The following NDUFAF5 variants were observed in gnomAD, a reference collection of about 807,000 sequenced individuals.
NDUFAF5 encodes the protein arginine-hydroxylase NDUFAF5, mitochondrial.
Under a neutral mutation model 48.9 loss-of-function variants are expected in NDUFAF5, and 34 were observed. That is an observed-to-expected ratio of 0.70 (90% CI 0.53 to 0.93). NDUFAF5 has a LOEUF of 0.93. NDUFAF5 is among the 40% of genes least tolerant of loss of function. NDUFAF5 has a pLI of 0.00. For synonymous variants in NDUFAF5, 153 were observed against 150.6 expected (o/e 1.02, Z -0.12); for missense variants, 428 against 427.5 (o/e 1.00, Z -0.01).
chr20:13,797,961 A>G (rs537902924), intron 5 of NDUFAF5, among the ~76,000 whole-genome samples: 21 of 152,354 alleles, frequency 1.4e-4, no homozygotes, highest in African/African-American at 4.8e-4. Flanking sequence ...TGGAAAACTC[A>G]CAGATTCAAA....
chr20:13,788,925 C>G (rs954444257), intron 3 of NDUFAF5, among the ~76,000 whole-genome samples: 1 of 152,028 alleles, frequency 6.6e-6, no homozygotes, highest in Non-Finnish European at 1.5e-5. Context: ...TCTTTGTTCA[C>G]ATTTTTTTAT....
chr20:13,816,187 GCTTA>G (rs1188370750), intron 8 of NDUFAF5: 4 of 473,958 alleles, frequency 8.4e-6, no homozygotes, highest in African/African-American at 7.9e-5. Flanking sequence ...TGCCCAGCGG[GCTTA>G]CTTTAGACCA....
chr20:13,811,463 G>A (rs113034820), intron 8 of NDUFAF5, among the ~76,000 whole-genome samples: 7 of 151,948 alleles, frequency 4.6e-5, no homozygotes, highest in African/African-American at 1.7e-4. Context: ...CAGGATGGTG[G>A]CAGTACTGGA....
chr20:13,801,438 T>C (rs1361978813), intron 6 of NDUFAF5, 48 bp from the exon 7 acceptor site: 2 of 1,227,766 alleles, frequency 1.6e-6, no homozygotes, highest in Admixed American at 4.0e-5. Flanking sequence ...TTTTAACATT[T>C]ATATATATAA....
intron 3 of NDUFAF5, among the ~76,000 whole-genome samples, chr20:13,790,251 A>G (rs1982053888): frequency 1.3e-5 from 2 of 152,206 alleles, no homozygotes; most frequent in African/African-American, 4.8e-5. Context: ...AAATGATGGG[A>G]TGTATGAGAG....
intron 8 of NDUFAF5, among the ~76,000 whole-genome samples, chr20:13,810,386 C>T (rs771773758): frequency 3.9e-5 from 6 of 152,146 alleles, no homozygotes; most frequent in African/African-American, 1.2e-4. Context: ...AAAGGAAGTC[C>T]GCTAGATTTA....
rs1157937631 is a variant in NDUFAF5, at chr20:13,814,125, TG to T, written c.779-2337del. The T allele has an allele frequency of 2.0e-5, 5 of 251,390 alleles. No homozygotes were observed. The East Asian group carries it at 5.2e-4, about 26-fold the overall frequency. The allele number at this position is 251,390 out of a possible 1,614,324, so 15.6% of individuals were successfully genotyped here. A position where few individuals can be genotyped will look rare whatever the true frequency, so the allele number is the denominator to read the frequency against. On this transcript the variant is annotated intron_variant, in intron 8 of 10. Transcript: ENST00000378106. ...AAGTTAAGTAACTTGTCCCAGATGTTGTAATTAGTGAGTGGTAGAGCCAGGA... is the reference window on the plus strand; with the variant it reads ...AAGTTAAGTAACTTGTCCCAGATGTTTAATTAGTGAGTGGTAGAGCCAGGA...
rs1055560639 is a variant in NDUFAF5, at chr20:13,818,104, C to A, written c.*894C>A. On this transcript the variant is annotated 3_prime_UTR_variant, in exon 11 of 11. Coordinates refer to ENST00000378106, the MANE Select transcript of NDUFAF5 (RefSeq NM_024120.5). ...CTTCAGTGATCTATAATAGCATTTC[C>A]TTCTGTCTCCTCTCAGTCTCTCTTC... 2.2e-6 allele frequency: 1 copy of A among 454,110 alleles called. No homozygotes were observed. The highest frequency in any genetic ancestry group is 1.6e-5 in the South Asian group (1 of 64,472). 28.1% of individuals were successfully genotyped at this position (454,110 alleles called of 1,614,324 possible). A position where few individuals can be genotyped will look rare whatever the true frequency, so the allele number is the denominator to read the frequency against.
intron 5 of NDUFAF5, among the ~76,000 whole-genome samples, chr20:13,796,384 G>C (rs1364627231): frequency 6.6e-6 from 1 of 152,152 alleles, no homozygotes; most frequent in East Asian, 1.9e-4. Flanking sequence ...TTTTATGTTA[G>C]CTCATCTGCT....
rs570143443 is a variant in NDUFAF5 at position 13,816,442 on chromosome 20, CTACCTG to C, written c.779-18_779-13del. ...AGGGTGTTTGCTGTATTATCTCAAA[CTACCTG>C]TAGTGTATTTGTAGGTATGGGTGAG... On this transcript the variant is annotated splice_polypyrimidine_tract_variant and intron_variant, in intron 8 of 10. Transcript: ENST00000378106. The C allele has an allele frequency of 2.4e-4, 375 of 1,577,240 alleles. 1 individual carries two copies. The Middle Eastern group carries it at 2.8e-3, about 12-fold the overall frequency.
chr20:13,814,510 C>T, intron 8 of NDUFAF5: 1 of 1,277,468 alleles, frequency 7.8e-7, no homozygotes, highest in Non-Finnish European at 1.0e-6. Flanking sequence ...TCACAGTGGT[C>T]TTAAGGTAAG....
At chr20:13,808,773 G>T in intron 7 of NDUFAF5, 69 bp from the exon 8 acceptor site, 1 of 1,029,446 alleles carries the variant, frequency 9.7e-7, no homozygotes. Context: ...AGTCTCTGCG[G>T]CCTCTTTTTT....
chr20:13,816,583 G>T (rs1986490785), intron 9 of NDUFAF5, 37 bp downstream of exon 9: 1 of 1,523,174 alleles, frequency 6.6e-7, no homozygotes, highest in Non-Finnish European at 9.1e-7. Context: ...CCTCACCAAG[G>T]CACTTGTGCT....
At chr20:13,811,347 G>A (rs1351253618) in intron 8 of NDUFAF5, among the ~76,000 whole-genome samples, 1 of 152,178 alleles carries the variant, frequency 6.6e-6, no homozygotes, top group East Asian at 1.9e-4. Flanking sequence ...AGTGATAATG[G>A]TCTGGGACGT....
In NDUFAF5 at chr20:13,794,912, T is replaced by G; in HGVS notation, c.450T>G (p.Asn150Lys). The G allele has an allele frequency of 6.2e-7, 1 of 1,612,388 alleles. No individual in the cohort carries two copies. The highest frequency in any genetic ancestry group is 1.1e-5 in the South Asian group (1 of 91,032). Residue 150 changes from asparagine (N) to lysine (K), a missense_variant, in exon 5 of 11, where the codon AAT becomes AAG. Transcript: ENST00000378106. The stretch of plus-strand genomic sequence containing the variant: ...AAGAATTCCTTCCCTTCAAAGAAAA[T>G]ACATTTGACCTGGTGGTTAGCAGTT... The part of the protein sequence containing the change: ...ADEEFLPFKE[N>K]TFDLVVSSLS...
In NDUFAF5 at chr20:13,788,613, T is replaced by G. The variant is rs1403214137; in HGVS notation, c.288T>G (p.Leu96=). 1 of 1,612,606 alleles carries G rather than the reference T, an allele frequency of 6.2e-7. No homozygotes were observed. Among genetic ancestry groups the G allele is most frequent in the Admixed American group, 1.7e-5 (1 of 60,028 alleles). Residue 96 remains leucine (L), a synonymous_variant, in exon 3 of 11, where the codon CTT becomes CTG. Transcript: ENST00000378106. Reference sequence around the variant, plus strand: ...GAAATTTCCCCCTTGCTTTGGATCTTGGTTGTGGAAGAGGTTACATTGCAC... The same window carrying G: ...GAAATTTCCCCCTTGCTTTGGATCTGGGTTGTGGAAGAGGTTACATTGCAC... ...IPRNFPLALD[L]GCGRGYIAQY...
At chr20:13,811,646 C>T (rs889792018) in intron 8 of NDUFAF5, among the ~76,000 whole-genome samples, 1 of 152,016 alleles carries the variant, frequency 6.6e-6, no homozygotes, top group African/African-American at 2.4e-5. Context: ...GAAGAGGCTT[C>T]AAGGAGTAAG....
chr20:13,808,949 C>T (rs373198794), intron 8 of NDUFAF5, 47 bp downstream of exon 8: 56 of 1,287,798 alleles, frequency 4.3e-5, no homozygotes, highest in Non-Finnish European at 1.3e-5. Flanking sequence ...AAAGGTAGGC[C>T]AAAAAAAAAG....
chr20:13,800,319 T>A (rs1198283162), intron 6 of NDUFAF5, among the ~76,000 whole-genome samples: 1 of 152,234 alleles, frequency 6.6e-6, no homozygotes, highest in Non-Finnish European at 1.5e-5. Context: ...CCAAAGCTTT[T>A]ACAAATTATT....
Sources: allele counts gnomAD v4.1 joint callset (sites outside exome capture counted in the v4.1 genomes callset), GRCh38; gene constraint gnomAD v4.1.1; transcripts MANE v1.5; gene names NCBI Gene and HGNC (gene_info 2026-07-23, HGNC 2026-07-21).